Variants in ARHGEF4 observed in about 807,000 individuals in gnomAD.
ARHGEF4 encodes Rho guanine nucleotide exchange factor 4, also known as APC-stimulated guanine nucleotide exchange factor 1.
Under a neutral mutation model 162.0 loss-of-function variants are expected in ARHGEF4, and 119 were observed. The observed-to-expected ratio is 0.73, with a 90% confidence interval of 0.63 to 0.86. ARHGEF4 has a LOEUF of 0.86. Ranked by LOEUF, ARHGEF4 falls within the 40% of genes least tolerant of loss-of-function variation. ARHGEF4 has a pLI of 0.00. For synonymous variants in ARHGEF4, 1,014 were observed against 979.9 expected, an observed-to-expected ratio of 1.03 and a Z score of -0.65; for missense variants, 2,488 against 2,456.0, an observed-to-expected ratio of 1.01 and a Z score of -0.28.
chr2:131,006,547 TACTATTC>T (rs1317642421), intron 4 of ARHGEF4, among the ~76,000 whole-genome samples: 1 of 152,220 alleles, frequency 6.6e-6, no homozygotes, highest in African/African-American at 2.4e-5. Context: ...GCCGTTTGTC[TACTATTC>T]ACTAGTTAGG....
intron 4 of ARHGEF4, among the ~76,000 whole-genome samples, chr2:131,002,018 C>T (rs1178792399): frequency 6.6e-6 from 1 of 152,036 alleles, no homozygotes; most frequent in East Asian, 1.9e-4. Context: ...ATGGCTACGT[C>T]GGAATACTTT....
intron 1 of ARHGEF4, among the ~76,000 whole-genome samples, chr2:130,894,024 G>A (rs1011866866): frequency 1.3e-5 from 2 of 152,226 alleles, no homozygotes; most frequent in African/African-American, 2.4e-5. Context: ...GCCAGCCGTC[G>A]CCCTGATGGG....
Position 130,914,135 on chromosome 2 carries a change from A to G in ARHGEF4, c.189A>G (p.Gly63=). 1.3e-6 allele frequency: 2 copies of G among 1,536,158 alleles called. No homozygotes were observed. The highest frequency in any genetic ancestry group is 1.7e-6 in the Non-Finnish European group (2 of 1,146,922). ...CGCTGTCCCAGCAGAGTGAAAGTGG[A>G]TCAGACACAAAAACTGACCCCTTTG... The part of the protein sequence containing the change: ...SETLSQQSES[G]SDTKTDPFES... The change falls in exon 2 of 14, where the codon GGA becomes GGG. Residue 63 remains glycine, a synonymous_variant. Coordinates refer to ENST00000409359, the MANE Select transcript of ARHGEF4 (RefSeq NM_001367493.1).
At chr2:130,998,735 T>C (rs1019210258) in intron 4 of ARHGEF4, among the ~76,000 whole-genome samples, 2 of 152,280 alleles carry the variant, frequency 1.3e-5, no homozygotes, top group Non-Finnish European at 1.5e-5. Flanking sequence ...GACATCTTGG[T>C]TGCTTTCAAG....
At position 131,028,102 on chromosome 2, in the gene ARHGEF4, C is replaced by A. The variant is rs771588447; in HGVS notation, c.4125+18C>A. Reference sequence around the variant, plus strand: ...TCAATGAGGTAGGGTCAGGGCTGCACGGGCAGAGGGAGGGACAGGCTGGGG... The same window carrying A: ...TCAATGAGGTAGGGTCAGGGCTGCAAGGGCAGAGGGAGGGACAGGCTGGGG... On this transcript the variant is annotated intron_variant, in intron 5 of 13. Coordinates refer to ENST00000409359, the MANE Select transcript of ARHGEF4 (RefSeq NM_001367493.1). 1.2e-6 allele frequency: 2 copies of A among 1,612,724 alleles called. No homozygotes were observed. The highest frequency in any genetic ancestry group is 1.7e-6 in the Non-Finnish European group (2 of 1,179,656).
chr2:130,853,463 CAT>C (rs1237663940), intron 1 of ARHGEF4, among the ~76,000 whole-genome samples: 4 of 152,194 alleles, frequency 2.6e-5, no homozygotes, highest in Non-Finnish European at 5.9e-5. Context: ...GAACCTCAAT[CAT>C]GTGCTACTCT....
chr2:130,947,864 AG>A (rs2105152909), intron 4 of ARHGEF4, among the ~76,000 whole-genome samples: 1 of 152,320 alleles, frequency 6.6e-6, no homozygotes, highest in Non-Finnish European at 1.5e-5. Flanking sequence ...AGATTGTGTT[AG>A]GTGGTGACCT....
At chr2:130,969,626 A>G (rs894928733) in intron 4 of ARHGEF4, among the ~76,000 whole-genome samples, 1 of 152,112 alleles carries the variant, frequency 6.6e-6, no homozygotes, top group Non-Finnish European at 1.5e-5. Flanking sequence ...ATGTCAAACT[A>G]TCGTTATGTC....
chr2:130,958,024 A>AG (rs374188883), intron 4 of ARHGEF4, among the ~76,000 whole-genome samples: 45 of 151,906 alleles, frequency 3.0e-4, no homozygotes, highest in African/African-American at 1.0e-3. Flanking sequence ...ACAAAAAAAA[A>AG]AAAGAAAGAA....
At chr2:130,971,651 G>A (rs1253869827) in intron 4 of ARHGEF4, among the ~76,000 whole-genome samples, 5 of 81,468 alleles carry the variant, frequency 6.1e-5, no homozygotes, top group Admixed American at 2.0e-4. Context: ...GTGGGAGACT[G>A]TCTCAAAAAA....
intron 4 of ARHGEF4, among the ~76,000 whole-genome samples, chr2:131,003,784 A>C (rs565958239): frequency 2.4e-4 from 37 of 152,328 alleles, no homozygotes; most frequent in African/African-American, 8.4e-4. Flanking sequence ...CATAGCCTAG[A>C]TATGTCAGTC....
rs997262526 is a variant in ARHGEF4, at chr2:130,946,441, C to T, written c.3859-68C>T. The stretch of plus-strand genomic sequence containing the variant: ...AAGTCCTCAGCAATTAGAAAGACTG[C>T]AGGGTGGCAATGACAGCCTGTCATT... On this transcript the variant is annotated intron_variant, in intron 3 of 13. Transcript: ENST00000409359. The T allele has an allele frequency of 7.1e-6, 11 of 1,538,542 alleles. No homozygotes were observed. In the Admixed American group the frequency reaches 1.9e-4, roughly 27 times the overall value.
At chr2:130,976,261 G>C (rs1685697859) in intron 4 of ARHGEF4, among the ~76,000 whole-genome samples, 1 of 152,072 alleles carries the variant, frequency 6.6e-6, no homozygotes, top group Non-Finnish European at 1.5e-5. Flanking sequence ...GGAGAGTGTG[G>C]TTAAACATCG....
At chr2:130,917,774 C>T (rs1178382092) in intron 2 of ARHGEF4, among the ~76,000 whole-genome samples, 1 of 152,086 alleles carries the variant, frequency 6.6e-6, no homozygotes, top group African/African-American at 2.4e-5. Context: ...TATGAACTGC[C>T]TGCTCCCTGG....
intron 1 of ARHGEF4, 21 bp downstream of exon 1, chr2:130,837,013 C>G: frequency 8.1e-7 from 1 of 1,227,024 alleles, no homozygotes; most frequent in East Asian, 3.2e-5. Flanking sequence ...GCGTCCGGGA[C>G]TTGCGGTCGG....
At chr2:130,838,629 GAAGGAAGGAAGGA>G (rs1166792056) in intron 1 of ARHGEF4, among the ~76,000 whole-genome samples, 1 of 151,282 alleles carries the variant, frequency 6.6e-6, no homozygotes, top group East Asian at 1.9e-4. Flanking sequence ...AGAAAAGAAG[GAAGGAAGGAAGGA>G]AAGGAAGGAA....
rs13390150 is a variant in ARHGEF4, at chr2:130,918,371, C to T, written c.3552+873C>T. ...AACGGAGCAGAGAAGGGTTGGATTT[C>T]TCATCCCAGCTGCCCTTGGAAGGAG... On this transcript the variant is annotated intron_variant, in intron 2 of 13. Transcript: ENST00000409359. Among the ~76,000 whole-genome samples the T allele has an allele frequency of 6.0e-3, 910 of 152,332 alleles. 7 individuals carry two copies. The highest frequency in any genetic ancestry group is 0.021 in the African/African-American group (878 of 41,574).
At chr2:130,844,826 A>G (rs1029857475) in intron 1 of ARHGEF4, among the ~76,000 whole-genome samples, 3 of 151,348 alleles carry the variant, frequency 2.0e-5, no homozygotes, top group Admixed American at 6.6e-5. Context: ...ATATATATGT[A>G]TATATATATA....
At chr2:130,889,583 C>T (rs951165261) in intron 1 of ARHGEF4, among the ~76,000 whole-genome samples, 1 of 151,712 alleles carries the variant, frequency 6.6e-6, no homozygotes, top group African/African-American at 2.4e-5. Context: ...GAGGCCAAGG[C>T]AGGTGAATCA....
Sources: gnomAD v4.1 joint callset for allele counts (sites outside exome capture counted in the v4.1 genomes callset) on GRCh38, gnomAD v4.1.1 for gene constraint, MANE v1.5 for transcripts, NCBI Gene and HGNC (gene_info 2026-07-23, HGNC 2026-07-21) for gene names.